The following MROH7 variants were observed in gnomAD, a reference collection of about 807,000 sequenced individuals.
MROH7 encodes the protein maestro heat like repeat family member 7, also known as maestro heat-like repeat-containing protein family member 7.
In MROH7, 113 loss-of-function variants were observed where a neutral mutation model predicts 129.2. The ratio of observed to expected loss-of-function variants is 0.87; its 90% CI spans 0.75 to 1.02. MROH7 has a LOEUF of 1.02. Among genes scored for constraint, MROH7 ranks in the 50% least tolerant of loss-of-function variants. MROH7 has a pLI of 0.00. For synonymous variants in MROH7, 655 were observed against 667.9 expected (o/e 0.98, Z 0.30); for missense variants, 1,601 against 1,671.3 (o/e 0.96, Z 0.73).
chr1:54,703,296 C>A lies in MROH7; in HGVS notation c.3564+551C>A, dbSNP rs1645469489. Among the ~76,000 whole-genome samples the A allele has an allele frequency of 6.6e-6, 1 of 152,182 alleles. No individual in the cohort carries two copies. The highest frequency in any genetic ancestry group is 6.5e-5 in the Admixed American group (1 of 15,276). On this transcript the variant is annotated intron_variant, in intron 21 of 23. Transcript: ENST00000421030. The surrounding 1 kb of genome is among the most constrained non-coding windows in gnomAD (Gnocchi z 4.4). Reference sequence around the variant, plus strand: ...CCAGAATGGTCTTGTTAAAACACAGCCTGCTTGTATTAGATCCCTGCCTCA... The same window carrying A: ...CCAGAATGGTCTTGTTAAAACACAGACTGCTTGTATTAGATCCCTGCCTCA...
chr1:54,679,626 AC>A, intron 12 of MROH7, among the ~76,000 whole-genome samples, 187 bp downstream of exon 12: 1 of 152,236 alleles, frequency 6.6e-6, no homozygotes. Context: ...GTTTTCTCTT[AC>A]CACCCCTGAA....
At chr1:54,669,075 G>T in intron 5 of MROH7, 138 bp downstream of exon 5, 1 of 643,598 alleles carries the variant, frequency 1.6e-6, no homozygotes. Context: ...ATCGGGAATT[G>T]AGTCTCAGCT....
chr1:54,643,459 G>A (rs1644417737), intron 1 of MROH7, among the ~76,000 whole-genome samples: 1 of 152,198 alleles, frequency 6.6e-6, no homozygotes, highest in Non-Finnish European at 1.5e-5. Context: ...TGGAGAGATG[G>A]AGGGGCTAGG....
intron 3 of MROH7, among the ~76,000 whole-genome samples, chr1:54,654,742 C>T (rs1644615672): frequency 6.6e-6 from 1 of 152,152 alleles, no homozygotes; most frequent in South Asian, 2.1e-4. Flanking sequence ...TATCAACAAA[C>T]TATCCCTTCC....
intron 23 of MROH7, 133 bp downstream of exon 23, chr1:54,709,209 TTTTG>T (rs145713883): frequency 0.1 from 82,218 of 806,152 alleles, 6,034 homozygotes; most frequent in East Asian, 0.3. Flanking sequence ...TGTACTAGTT[TTTTG>T]TTTGTTTGTT....
chr1:54,654,270 C>A, intron 3 of MROH7, 113 bp downstream of exon 3: 1 of 1,076,644 alleles, frequency 9.3e-7, no homozygotes, highest in Non-Finnish European at 1.3e-6. Context: ...CAGTTGATAA[C>A]ATATGATTTA....
At chr1:54,658,501 G>T (rs946207688) in intron 3 of MROH7, among the ~76,000 whole-genome samples, 1 of 152,104 alleles carries the variant, frequency 6.6e-6, no homozygotes, top group African/African-American at 2.4e-5. Flanking sequence ...CCATTTGCTT[G>T]TTTAAAACAA....
chr1:54,661,901 A>T (rs1569881964), intron 3 of MROH7, among the ~76,000 whole-genome samples: 1 of 152,124 alleles, frequency 6.6e-6, no homozygotes, highest in East Asian at 2.0e-4. Flanking sequence ...TGGCCTTAAA[A>T]ATATTTTTTA....
intron 21 of MROH7, among the ~76,000 whole-genome samples, chr1:54,705,853 T>C (rs1393383787): frequency 6.6e-5 from 10 of 152,166 alleles, no homozygotes; most frequent in African/African-American, 2.4e-4. Flanking sequence ...ATTTCTCATC[T>C]TCTCCCTCAA....
At position 54,653,465 on chromosome 1, in the gene MROH7, G is replaced by A. The variant is rs1472592380; in HGVS notation, c.539G>A (p.Arg180Lys). ...AGGCATGAATTAAACCCATTTATAAGGCACCATTCCAGAGAAGGTCTGGTT... is the reference window on the plus strand; with the variant it reads ...AGGCATGAATTAAACCCATTTATAAAGCACCATTCCAGAGAAGGTCTGGTT... ...PSRHELNPFIRHHSREGLVLG... is the reference protein window; with the variant it reads ...PSRHELNPFIKHHSREGLVLG... The change falls in exon 3 of 24, where the codon AGG (arginine) becomes AAG (lysine). Residue 180 changes from arginine to lysine, a missense_variant. Transcript: ENST00000421030. The A allele has an allele frequency of 2.5e-6, 4 of 1,614,156 alleles. No homozygotes were observed. The Admixed American group carries it at 6.7e-5, about 27-fold the overall frequency.
Position 54,695,448 on chromosome 1 carries a change from C to A in MROH7, c.2922C>A (p.Gly974=). The A allele has an allele frequency of 1.2e-6, 2 of 1,613,900 alleles. No individual in the cohort carries two copies. Among genetic ancestry groups the A allele is most frequent in the Non-Finnish European group, 1.7e-6 (2 of 1,179,902 alleles). Residue 974 remains glycine, a synonymous_variant, in exon 17 of 24, where the codon GGC becomes GGA. Coordinates refer to ENST00000421030, the MANE Select transcript of MROH7 (RefSeq NM_001039464.4). ...LYLLIPLLER[G]DEKHRITATA... Reference sequence around the variant, plus strand: ...TGCTCATCCCGCTCCTGGAGCGAGGCGACGAGAAGCACAGGATCACGGCCA... The same window carrying A: ...TGCTCATCCCGCTCCTGGAGCGAGGAGACGAGAAGCACAGGATCACGGCCA...
chr1:54,650,649 C>T (rs2101060807), intron 1 of MROH7, among the ~76,000 whole-genome samples: 1 of 152,072 alleles, frequency 6.6e-6, no homozygotes, highest in Middle Eastern at 3.4e-3. Flanking sequence ...TCCCTTCCTT[C>T]CTTGTTCCTC....
At chr1:54,651,663 G>A (rs1309704735) in intron 1 of MROH7, 1 of 152,368 alleles carries the variant, frequency 6.6e-6, no homozygotes, top group Non-Finnish European at 1.5e-5. Context: ...AAGATAACAG[G>A]AAGCCATGGA....
chr1:54,692,568 C>T lies in MROH7; in HGVS notation c.2849+7C>T, dbSNP rs1244594761. On this transcript the variant is annotated splice_region_variant and intron_variant, in intron 16 of 23. Transcript: ENST00000421030. Reference sequence around the variant, plus strand: ...GAGTGGCCTTGCTGGCAAGGTGAGTCCCGGGACCACCTTGGGGTTGGGGTG... The same window carrying T: ...GAGTGGCCTTGCTGGCAAGGTGAGTTCCGGGACCACCTTGGGGTTGGGGTG... The T allele has an allele frequency of 1.2e-6, 2 of 1,611,924 alleles. No individual in the cohort carries two copies. The highest frequency in any genetic ancestry group is 1.7e-4 in the Middle Eastern group (1 of 5,990).
Position 54,702,196 on chromosome 1 carries a change from T to C in MROH7, c.3392T>C (p.Leu1131Ser). ...QAMEEQLVST[L>S]VPLLLTMQEG... ...ATGGAGGAGCAGCTGGTCAGCACCT[T>C]GGTGCCCCTACTGCTGACCATGCAG... Residue 1131 changes from leucine (L) to serine (S), a missense_variant, in exon 20 of 24, where the codon TTG becomes TCG. By Grantham distance (145) the Leu-to-Ser change is moderately radical. Transcript: ENST00000421030. The C allele has an allele frequency of 6.3e-7, 1 of 1,597,710 alleles. No individual in the cohort carries two copies.
At chr1:54,686,135 C>T in intron 14 of MROH7, 123 bp from the exon 15 acceptor site, 2 of 818,280 alleles carry the variant, frequency 2.4e-6, no homozygotes, top group Non-Finnish European at 3.7e-6. Context: ...CCAGCTTCCC[C>T]AGGCTGGGCC....
Position 54,699,118 on chromosome 1 carries a change from C to CTTTG in MROH7, c.2965-1200_2965-1199insGTTT, listed in dbSNP as rs1471266721. On this transcript the variant is annotated intron_variant, in intron 17 of 23. Transcript: ENST00000421030. ...CTTTTCTTTCTTTCTTTCTTTCTTT[C>CTTTG]TTTCTTTCTTTCTTTCTTTCTTTCT... 3.6e-5 allele frequency: 3 copies of CTTTG among 84,310 alleles called. No individual in the cohort carries two copies. The South Asian group carries it at 1.4e-3, about 41-fold the overall frequency. 5.2% of individuals were successfully genotyped at this position (84,310 alleles called of 1,614,324 possible).
Position 54,670,726 on chromosome 1 carries a change from C to A in MROH7, c.1470-74C>A, listed in dbSNP as rs562533489. 2.4e-5 allele frequency: 38 copies of A among 1,576,828 alleles called. 1 individual carries two copies. The African/African-American group carries it at 3.6e-4, about 15-fold the overall frequency. On this transcript the variant is annotated intron_variant, in intron 6 of 23. Transcript: ENST00000421030. ...CTCCCCTTGCCCAGTCCCTGTGCTC[C>A]TCAGCTCAGCCCCCGTCTATAGCCA...
At chr1:54,691,819 T>TAA (rs1645243825) in intron 15 of MROH7, among the ~76,000 whole-genome samples, 1 of 148,496 alleles carries the variant, frequency 6.7e-6, no homozygotes, top group African/African-American at 2.5e-5. Context: ...TGTGTGTGTG[T>TAA]GTGTGTGTGT....
Sources: allele counts gnomAD v4.1 joint callset (sites outside exome capture counted in the v4.1 genomes callset), GRCh38; gene constraint gnomAD v4.1.1; non-coding constraint Gnocchi (gnomAD v3.1); transcripts MANE v1.5; gene names NCBI Gene and HGNC (gene_info 2026-07-23, HGNC 2026-07-21).